The following RPS6KL1 variants were observed in gnomAD, a reference collection of about 807,000 sequenced individuals.
The protein encoded by RPS6KL1 is ribosomal protein S6 kinase-like 1.
A neutral mutation model predicts 57.0 loss-of-function variants in RPS6KL1; 41 were observed. That is an observed-to-expected ratio of 0.72 (90% CI 0.56 to 0.93). RPS6KL1 has a LOEUF of 0.93. Ranked by LOEUF, RPS6KL1 falls within the 40% of genes least tolerant of loss-of-function variation. RPS6KL1 has a pLI of 0.00. For missense variants in RPS6KL1, 697 were observed against 727.7 expected (o/e 0.96, Z 0.49); for synonymous variants, 287 against 309.7 (o/e 0.93, Z 0.77).
chr14:74,909,431 G>T, intron 8 of RPS6KL1, 112 bp downstream of exon 8: 1 of 1,389,086 alleles, frequency 7.2e-7, no homozygotes, highest in Non-Finnish European at 9.7e-7. Context: ...AAGGCTGGCT[G>T]GGGCCAGGGA....
At chr14:74,921,154 G>T in intron 3 of RPS6KL1, 123 bp downstream of exon 3, 1 of 841,766 alleles carries the variant, frequency 1.2e-6, no homozygotes, top group Non-Finnish European at 1.9e-6. Context: ...AGGCCCTGCA[G>T]GCCAGCATAG....
At chr14:74,908,006 G>A (rs1885211924) in intron 10 of RPS6KL1, among the ~76,000 whole-genome samples, 1 of 152,204 alleles carries the variant, frequency 6.6e-6, no homozygotes, top group South Asian at 2.1e-4. Context: ...GGGTCTGTCT[G>A]GAGGGAAGTA....
rs950396924 is a variant in RPS6KL1, at chr14:74,906,480, T to C, written c.*534A>G. ...CCTGCACAACAGATGGCATCCCTGC[T>C]TCTGGGCCTCCCCAGCTGCACGAAC... is the stretch of plus-strand genomic sequence containing the variant. On this transcript the variant is annotated 3_prime_UTR_variant, in exon 12 of 12. Coordinates refer to ENST00000557413, the MANE Select transcript of RPS6KL1 (RefSeq NM_031464.5). 2.4e-5 allele frequency: 11 copies of C among 461,620 alleles called. No homozygotes were observed. The highest frequency in any genetic ancestry group is 1.8e-4 in the African/African-American group (9 of 50,308). 28.6% of individuals were successfully genotyped at this position (461,620 alleles called of 1,614,324 possible).
chr14:74,918,538 C>A lies in RPS6KL1; in HGVS notation c.458G>T (p.Cys153Phe), dbSNP rs534809936. The A allele has an allele frequency of 2.0e-6, 3 of 1,534,126 alleles. No homozygotes were observed. The highest frequency in any genetic ancestry group is 3.9e-5 in the Admixed American group (2 of 50,676). The change falls in exon 5 of 12, where the codon TGC (cysteine) becomes TTC (phenylalanine). Residue 153 changes from cysteine to phenylalanine, a missense_variant. Transcript: ENST00000557413. ...LSSAVEQLRGCRVVGVIEKVQ... is the reference protein window; with the variant it reads ...LSSAVEQLRGFRVVGVIEKVQ... Reference sequence around the variant, plus strand: ...CTTCTCGATGACCCCGACCACCCTGCAGCCCCTCAGCTGCTCCACGGCAGA... The same window carrying A: ...CTTCTCGATGACCCCGACCACCCTGAAGCCCCTCAGCTGCTCCACGGCAGA...
Position 74,921,512 on chromosome 14 carries a change from G to A in RPS6KL1, c.30C>T (p.Pro10=). 6.2e-7 allele frequency: 1 copy of A among 1,613,866 alleles called. No homozygotes were observed. Among genetic ancestry groups the A allele is most frequent in the Non-Finnish European group, 8.5e-7 (1 of 1,179,922 alleles). Residue 10 remains proline, a synonymous_variant, in exon 3 of 12, where the codon CCC becomes CCT. Coordinates refer to ENST00000557413, the MANE Select transcript of RPS6KL1 (RefSeq NM_031464.5). ...AAGGCTCAGGCTCCAGGCCGGGGCT[G>A]GGCAGGCACTCACAGGCCACCAGGC... MSLVACECL[P]SPGLEPEPCS... is the part of the protein sequence containing the mutation.
chr14:74,909,317 A>G, intron 8 of RPS6KL1, 127 bp from the exon 9 acceptor site: 1 of 1,052,268 alleles, frequency 9.5e-7, no homozygotes, highest in South Asian at 1.4e-5. Context: ...GAAACTCGGC[A>G]GGGGCACAGC....
At chr14:74,920,271 G>A (rs1887608967) in intron 3 of RPS6KL1, among the ~76,000 whole-genome samples, 1 of 152,230 alleles carries the variant, frequency 6.6e-6, no homozygotes, top group Non-Finnish European at 1.5e-5. Flanking sequence ...GAAGGGACAG[G>A]GTGGGGATTT....
In RPS6KL1 at chr14:74,911,134, A is replaced by C. The variant is rs747947944; in HGVS notation, c.664+114T>G. 3 of 1,036,396 alleles carry C rather than the reference A, an allele frequency of 2.9e-6. No homozygotes were observed. The South Asian group carries it at 3.8e-5, about 13-fold the overall frequency. 64.2% of individuals were successfully genotyped at this position (1,036,396 alleles called of 1,614,324 possible). On this transcript the variant is annotated intron_variant, in intron 7 of 11. Transcript: ENST00000557413. ...TGATCCGCCTGCCTCGGCCTCCCAA[A>C]GTGCTGGGATTACAGGCGTGAGCCA...
rs1371233505 is a variant in RPS6KL1, at chr14:74,908,877, A to C, written c.1416T>G (p.Ser472=). 6.2e-7 allele frequency: 1 copy of C among 1,614,174 alleles called. No homozygotes were observed. Reference sequence around the variant, plus strand: ...TTCCCGTCAGCAGTTCATACAGTAGAGACCCAAAGCTCCACCAGTCACAGG... The same window carrying C: ...TTCCCGTCAGCAGTTCATACAGTAGCGACCCAAAGCTCCACCAGTCACAGG... ...TEACDWWSFG[S]LLYELLTGMA... The change falls in exon 10 of 12, where the codon TCT becomes TCG. Residue 472 remains serine, a synonymous_variant. Transcript: ENST00000557413.
At chr14:74,911,193 TGAC>T in intron 7 of RPS6KL1, 52 bp downstream of exon 7, 1 of 1,575,534 alleles carries the variant, frequency 6.3e-7, no homozygotes, top group Non-Finnish European at 8.7e-7. Context: ...TTTTAAGGGT[TGAC>T]GACATACCCC....
At chr14:74,918,037 G>A (rs1887142291) in intron 5 of RPS6KL1, among the ~76,000 whole-genome samples, 1 of 152,218 alleles carries the variant, frequency 6.6e-6, no homozygotes, top group Admixed American at 6.5e-5. Context: ...CAAGGAGCAG[G>A]TTTTCTGGAT....
In RPS6KL1 at chr14:74,914,747, T is replaced by C. The variant is rs375805828; in HGVS notation, c.484-2906A>G. On this transcript the variant is annotated intron_variant, in intron 5 of 11. Transcript: ENST00000557413. The stretch of plus-strand genomic sequence containing the variant: ...ATTTTTTTGAGACGGAGTTTCACTG[T>C]TGTTGCCCAGGCTGGAGTGCAATGG... Among the ~76,000 whole-genome samples the C allele has an allele frequency of 7.6e-4, 116 of 152,320 alleles. 1 individual carries two copies. The highest frequency in any genetic ancestry group is 2.8e-3 in the African/African-American group (115 of 41,576).
At chr14:74,922,972 G>C (rs1409234188) in intron 1 of RPS6KL1, among the ~76,000 whole-genome samples, 2 of 152,156 alleles carry the variant, frequency 1.3e-5, no homozygotes, top group African/African-American at 4.8e-5. Flanking sequence ...GCCTTGCTCT[G>C]GGGGGTGCCC....
At chr14:74,922,763 G>A (rs1423186594) in intron 1 of RPS6KL1, among the ~76,000 whole-genome samples, 1 of 152,256 alleles carries the variant, frequency 6.6e-6, no homozygotes, top group Non-Finnish European at 1.5e-5. Context: ...GTCCCACTGG[G>A]AATGGGCAGG....
rs1884843120 is a variant in RPS6KL1 at position 74,906,411 on chromosome 14, G to GGGGGT, written c.*602_*603insACCCC. Reference sequence around the variant, plus strand: ...GGGGCATGGTCAGGAATCGGGGGTGGGGGGGTGGGGGTGGGGGTCATCCTG... The same window carrying GGGGGT: ...GGGGCATGGTCAGGAATCGGGGGTGGGGGGTGGGGGTGGGGGTGGGGGTCATCCTG... On this transcript the variant is annotated 3_prime_UTR_variant, in exon 12 of 12. Coordinates refer to ENST00000557413, the MANE Select transcript of RPS6KL1 (RefSeq NM_031464.5). The GGGGGT allele has an allele frequency of 3.0e-6, 1 of 337,706 alleles. No individual in the cohort carries two copies. Among genetic ancestry groups the GGGGGT allele is most frequent in the African/African-American group, 2.3e-5 (1 of 43,170 alleles). The allele number at this position is 337,706 out of a possible 1,614,324, so 20.9% of individuals were successfully genotyped here. A position where few individuals can be genotyped will look rare whatever the true frequency, so the allele number is the denominator to read the frequency against.
At chr14:74,914,128 G>A (rs892843291) in intron 5 of RPS6KL1, among the ~76,000 whole-genome samples, 2 of 152,212 alleles carry the variant, frequency 1.3e-5, no homozygotes, top group Non-Finnish European at 2.9e-5. Context: ...AGATGAGAGC[G>A]CCCAGGACCC....
At chr14:74,915,548 A>G (rs2140312010) in intron 5 of RPS6KL1, among the ~76,000 whole-genome samples, 1 of 152,344 alleles carries the variant, frequency 6.6e-6, no homozygotes, top group East Asian at 1.9e-4. Flanking sequence ...CATGGAACAA[A>G]CAAGCCTAAA....
chr14:74,910,371 A>C, intron 7 of RPS6KL1: 8 of 268,954 alleles, frequency 3.0e-5, no homozygotes, highest in Non-Finnish European at 4.5e-5. Flanking sequence ...CAGCCTTACA[A>C]ACTGGCACAC....
At position 74,906,443 on chromosome 14, in the gene RPS6KL1, A is replaced by G; in HGVS notation, c.*571T>C. 2.5e-6 allele frequency: 1 copy of G among 392,744 alleles called. No homozygotes were observed. The highest frequency in any genetic ancestry group is 2.6e-5 in the Admixed American group (1 of 38,758). The allele number at this position is 392,744 out of a possible 1,614,324, so 24.3% of individuals were successfully genotyped here. A position where few individuals can be genotyped will look rare whatever the true frequency, so the allele number is the denominator to read the frequency against. On this transcript the variant is annotated 3_prime_UTR_variant, in exon 12 of 12. Transcript: ENST00000557413. ...GGGGGTGGGGGTCATCCTGTCCCCT[A>G]CCTCATCCCTCCCTGCACAACAGAT...
Sources: allele counts gnomAD v4.1 joint callset (sites outside exome capture counted in the v4.1 genomes callset), GRCh38; gene constraint gnomAD v4.1.1; transcripts MANE v1.5; gene names NCBI Gene and HGNC (gene_info 2026-07-23, HGNC 2026-07-21).